CA10: variants seen among roughly 807,000 people sequenced by gnomAD.
CA10 encodes the protein carbonic anhydrase-related protein 10.
A neutral mutation model predicts 44.2 loss-of-function variants in CA10; 14 were observed. That is an observed-to-expected ratio of 0.32 (90% CI 0.21 to 0.50). The LOEUF (loss-of-function observed/expected upper bound fraction) is 0.50. Among genes scored for constraint, CA10 ranks in the 20% least tolerant of loss-of-function variants. CA10 has a pLI of 0.99. For synonymous variants in CA10, 159 were observed against 141.6 expected (o/e 1.12, Z -0.87); for missense variants, 350 against 409.7 (o/e 0.85, Z 1.26).
Position 51,877,455 on chromosome 17 carries a change from T to C in CA10, c.279+53535A>G, listed in dbSNP as rs139029170. Among the ~76,000 whole-genome samples, 79 of 152,326 alleles carry C rather than the reference T, an allele frequency of 5.2e-4. 1 individual carries two copies. The highest frequency in any genetic ancestry group is 1.9e-3 in the African/African-American group (77 of 41,594). ...TCAGAGTGAATGATTGCTACTATTATAACTATTTACTCTTCCCTGACCATC... is the reference window on the plus strand; with the variant it reads ...TCAGAGTGAATGATTGCTACTATTACAACTATTTACTCTTCCCTGACCATC... On this transcript the variant is annotated intron_variant, in intron 3 of 8. Coordinates refer to ENST00000451037, the MANE Select transcript of CA10 (RefSeq NM_020178.5).
At chr17:51,754,400 GATATATATAT>G (rs56145404) in intron 3 of CA10, among the ~76,000 whole-genome samples, 1,634 of 73,030 alleles carry the variant, frequency 0.022, 37 homozygotes, top group Admixed American at 0.041. Flanking sequence ...GTGTGTGTGT[GATATATATAT>G]ATATATATAT....
chr17:51,717,529 G>GTATATATATATA (rs3031848), intron 4 of CA10, among the ~76,000 whole-genome samples: 60 of 50,174 alleles, frequency 1.2e-3, no homozygotes, highest in African/African-American at 3.6e-3. Flanking sequence ...AAAGAAACTG[G>GTATATATATATA]TATATATATA....
chr17:52,060,268 T>A (rs1987345854), intron 2 of CA10, among the ~76,000 whole-genome samples: 1 of 152,076 alleles, frequency 6.6e-6, no homozygotes. Flanking sequence ...AAACTGTCAG[T>A]CATGAAAAAT....
chr17:51,717,529 GTATATATATATA>G lies in CA10; in HGVS notation c.465+30092_465+30103del, dbSNP rs3031848. Among the ~76,000 whole-genome samples, 20 of 50,170 alleles carry G rather than the reference GTATATATATATA, an allele frequency of 4.0e-4. 2 individuals carry two copies. Among genetic ancestry groups the G allele is most frequent in the Admixed American group, 1.1e-3 (4 of 3,784 alleles). 32.9% of individuals were successfully genotyped at this position (50,170 alleles called of 152,430 possible). A position where few individuals can be genotyped will look rare whatever the true frequency, so the allele number is the denominator to read the frequency against. On this transcript the variant is annotated intron_variant, in intron 4 of 8. Coordinates refer to ENST00000451037, the MANE Select transcript of CA10 (RefSeq NM_020178.5). ...AATCAACAAGTGGATAAAGAAACTG[GTATATATATATA>G]TATATATATATATATATATAATATT...
chr17:51,902,217 G>T (rs1304273865), intron 3 of CA10, among the ~76,000 whole-genome samples: 1 of 152,144 alleles, frequency 6.6e-6, no homozygotes, highest in Non-Finnish European at 1.5e-5. Flanking sequence ...ACCTAGGTTA[G>T]ATTTTGCTAT....
intron 4 of CA10, among the ~76,000 whole-genome samples, chr17:51,735,796 A>C (rs1916882769): frequency 6.6e-6 from 1 of 150,594 alleles, no homozygotes; most frequent in Non-Finnish European, 1.5e-5. Flanking sequence ...CAAAATAAAA[A>C]AGTTAATTCT....
At chr17:51,843,651 C>T (rs1219697618) in intron 3 of CA10, among the ~76,000 whole-genome samples, 2 of 152,070 alleles carry the variant, frequency 1.3e-5, no homozygotes, top group Non-Finnish European at 2.9e-5. Context: ...TTATATATGC[C>T]AACCTTTCCC....
chr17:52,024,606 T>C (rs901205820), intron 2 of CA10, among the ~76,000 whole-genome samples: 10 of 152,024 alleles, frequency 6.6e-5, no homozygotes, highest in African/African-American at 2.4e-4. Flanking sequence ...ATATTGTGTA[T>C]TGGAAGATAT....
At chr17:52,109,957 A>T (rs1904965895) in intron 1 of CA10, among the ~76,000 whole-genome samples, 1 of 152,328 alleles carries the variant, frequency 6.6e-6, no homozygotes, top group East Asian at 1.9e-4. Flanking sequence ...TCATGATCAC[A>T]GAAGTTTTAT....
At chr17:51,934,841 CT>C (rs1272297268) in intron 2 of CA10, among the ~76,000 whole-genome samples, 1 of 152,096 alleles carries the variant, frequency 6.6e-6, no homozygotes, top group East Asian at 1.9e-4. Context: ...GATATTGAAG[CT>C]AGTCTAGGGA....
chr17:51,819,940 C>A (rs181796818), intron 3 of CA10, among the ~76,000 whole-genome samples: 1 of 152,112 alleles, frequency 6.6e-6, no homozygotes, highest in Non-Finnish European at 1.5e-5. Context: ...GTTTATCCCC[C>A]TCTCTGTCTC....
intron 4 of CA10, among the ~76,000 whole-genome samples, chr17:51,740,836 C>G (rs1295807845): frequency 6.6e-6 from 1 of 152,206 alleles, no homozygotes; most frequent in African/African-American, 2.4e-5. Context: ...ATGTCATCTT[C>G]TCACTGAGGC....
At chr17:52,050,849 G>A (rs1018949545) in intron 2 of CA10, among the ~76,000 whole-genome samples, 2 of 152,038 alleles carry the variant, frequency 1.3e-5, no homozygotes, top group Non-Finnish European at 2.9e-5. Flanking sequence ...TTGTAGACTT[G>A]TTTGGTTGAT....
chr17:51,747,881 G>T, intron 3 of CA10, 63 bp from the exon 4 acceptor site: 2 of 1,298,604 alleles, frequency 1.5e-6, no homozygotes, highest in Non-Finnish European at 2.2e-6. Flanking sequence ...CCCAAACCCA[G>T]CATGGTGCTT....
At chr17:51,876,159 C>T (rs1308679648) in intron 3 of CA10, among the ~76,000 whole-genome samples, 55 of 107,606 alleles carry the variant, frequency 5.1e-4, no homozygotes, top group African/African-American at 1.6e-3. Flanking sequence ...TTTCTTCTCT[C>T]GTTTTTTTTT....
At chr17:51,790,110 A>G (rs1391555776) in intron 3 of CA10, among the ~76,000 whole-genome samples, 1 of 152,134 alleles carries the variant, frequency 6.6e-6, no homozygotes, top group African/African-American at 2.4e-5. Flanking sequence ...AGATGCTTGG[A>G]CTAACCAAGT....
chr17:51,798,809 G>A (rs1163734201), intron 3 of CA10, among the ~76,000 whole-genome samples: 3 of 152,214 alleles, frequency 2.0e-5, no homozygotes, highest in African/African-American at 7.2e-5. Context: ...GGAATATAAA[G>A]CAGTAAGTTT....
chr17:51,833,237 G>C (rs1056857794), intron 3 of CA10, among the ~76,000 whole-genome samples: 1 of 152,150 alleles, frequency 6.6e-6, no homozygotes, highest in Non-Finnish European at 1.5e-5. Context: ...GAGCCGGCTG[G>C]CCATTCTCAC....
At chr17:51,925,397 C>G (rs1346619491) in intron 3 of CA10, among the ~76,000 whole-genome samples, 1 of 151,558 alleles carries the variant, frequency 6.6e-6, no homozygotes, top group Non-Finnish European at 1.5e-5. Flanking sequence ...CACTTCACAA[C>G]CATTAGGATG....
Sources: gnomAD v4.1 joint callset for allele counts (sites outside exome capture counted in the v4.1 genomes callset) on GRCh38, gnomAD v4.1.1 for gene constraint, MANE v1.5 for transcripts, NCBI Gene and HGNC (gene_info 2026-07-23, HGNC 2026-07-21) for gene names.